Variants in ADAMTSL1 observed in about 807,000 individuals in gnomAD.
ADAMTSL1 encodes the protein ADAMTS like 1, also known as ADAMTS-like protein 1.
Under a neutral mutation model 201.8 loss-of-function variants are expected in ADAMTSL1, and 126 were observed. The ratio of observed to expected loss-of-function variants is 0.62; its 90% confidence interval spans 0.54 to 0.72. ADAMTSL1 has a LOEUF of 0.72. Ranked by LOEUF, ADAMTSL1 falls within the 30% of genes least tolerant of loss-of-function variation. The pLI, the probability that ADAMTSL1 is intolerant of heterozygous loss-of-function variation, is 0.00. For synonymous variants in ADAMTSL1, 1,121 were observed against 903.4 expected (o/e 1.24, Z -4.32); for missense variants, 2,679 against 2,277.8 (o/e 1.18, Z -3.59).
At chr9:18,177,988 G>C (rs1167196566) in intron 2 of ADAMTSL1, among the ~76,000 whole-genome samples, 2 of 152,198 alleles carry the variant, frequency 1.3e-5, no homozygotes, top group Non-Finnish European at 2.9e-5. Context: ...GGTGATGAAA[G>C]TGTTTTAGAA....
intron 23 of ADAMTSL1, among the ~76,000 whole-genome samples, chr9:18,853,216 A>G (rs1294267797): frequency 1.3e-5 from 2 of 152,192 alleles, no homozygotes; most frequent in Admixed American, 1.3e-4. Flanking sequence ...ACATCTCTCC[A>G]TGTGTGACTG....
At chr9:18,667,794 T>C (rs1829546359) in intron 9 of ADAMTSL1, among the ~76,000 whole-genome samples, 1 of 152,206 alleles carries the variant, frequency 6.6e-6, no homozygotes, top group Non-Finnish European at 1.5e-5. Flanking sequence ...TAGAATTCTG[T>C]ATGGGTCTAG....
At chr9:18,871,709 G>C (rs775713990) in intron 23 of ADAMTSL1, among the ~76,000 whole-genome samples, 1 of 152,152 alleles carries the variant, frequency 6.6e-6, no homozygotes, top group Non-Finnish European at 1.5e-5. Flanking sequence ...GGTCTCACTC[G>C]TGTTCCAAAC....
chr9:18,126,956 C>A (rs182465441), intron 1 of ADAMTSL1, among the ~76,000 whole-genome samples: 1 of 152,096 alleles, frequency 6.6e-6, no homozygotes, highest in Non-Finnish European at 1.5e-5. Flanking sequence ...AACCAGTATG[C>A]CTTCTGCCAG....
At chr9:18,561,954 A>G (rs1181612017) in intron 3 of ADAMTSL1, among the ~76,000 whole-genome samples, 1 of 152,054 alleles carries the variant, frequency 6.6e-6, no homozygotes, top group Non-Finnish European at 1.5e-5. Context: ...CAGCACACTG[A>G]TGGGTCTTGA....
Position 18,843,623 on chromosome 9 carries a change from A to G in ADAMTSL1, c.4249+13646A>G, listed in dbSNP as rs1336880320. Among the ~76,000 whole-genome samples the G allele has an allele frequency of 2.0e-5, 3 of 150,738 alleles. No individual in the cohort carries two copies. The East Asian group carries it at 5.8e-4, about 29-fold the overall frequency. On this transcript the variant is annotated intron_variant, in intron 23 of 28. Coordinates refer to ENST00000380548, the MANE Select transcript of ADAMTSL1 (RefSeq NM_001040272.6). ...GAAGTTCTCCTGGATAATATCCTGC[A>G]GAGTGTTTTCCAACTTGGTTCCATT...
At chr9:18,877,745 G>C (rs1372614671) in intron 23 of ADAMTSL1, among the ~76,000 whole-genome samples, 1 of 152,162 alleles carries the variant, frequency 6.6e-6, no homozygotes, top group Non-Finnish European at 1.5e-5. Flanking sequence ...GGATCATCAG[G>C]TGTGGTAGTA....
At chr9:18,408,343 C>T (rs940842150) in intron 2 of ADAMTSL1, among the ~76,000 whole-genome samples, 2 of 152,090 alleles carry the variant, frequency 1.3e-5, no homozygotes, top group Non-Finnish European at 2.9e-5. Flanking sequence ...TGGTGGTAGG[C>T]ACCTGTAATC....
intron 15 of ADAMTSL1, among the ~76,000 whole-genome samples, chr9:18,729,955 T>C (rs1818117142): frequency 6.6e-6 from 1 of 152,228 alleles, no homozygotes; most frequent in South Asian, 2.1e-4. Flanking sequence ...TGATGAAACA[T>C]TGGAGTTTTA....
At chr9:18,458,582 A>G (rs1482056498) in intron 2 of ADAMTSL1, among the ~76,000 whole-genome samples, 2 of 152,164 alleles carry the variant, frequency 1.3e-5, no homozygotes, top group African/African-American at 4.8e-5. Context: ...ATTATGTCCC[A>G]TGATAGGTTC....
chr9:18,157,290 G>A (rs537083546), intron 1 of ADAMTSL1, among the ~76,000 whole-genome samples: 35 of 152,082 alleles, frequency 2.3e-4, no homozygotes, highest in Non-Finnish European at 4.6e-4. Context: ...TGGGATTTAC[G>A]TTTGATAGTT....
chr9:18,233,046 ACT>A lies in ADAMTSL1; in HGVS notation c.207+69068_207+69069del, dbSNP rs374704381. On this transcript the variant is annotated intron_variant, in intron 2 of 29. Coordinates refer to the ADAMTSL1 transcript ENST00000680146. Reference sequence around the variant, plus strand: ...ATCATCTCTACATCTCATCTAGGAAACTCTGCGAGGTTCCTCAAGCACAGAGC... The same window carrying A: ...ATCATCTCTACATCTCATCTAGGAAACTGCGAGGTTCCTCAAGCACAGAGC... Among the ~76,000 whole-genome samples, 718 of 152,260 alleles carry A rather than the reference ACT, an allele frequency of 4.7e-3. 6 individuals carry two copies. The highest frequency in any genetic ancestry group is 0.016 in the African/African-American group (654 of 41,542).
intron 2 of ADAMTSL1, among the ~76,000 whole-genome samples, chr9:18,341,864 G>A (rs1460269971): frequency 6.6e-6 from 1 of 152,050 alleles, no homozygotes; most frequent in East Asian, 1.9e-4. Context: ...AACCAAGTGT[G>A]CATTAAACCA....
chr9:18,690,088 C>T (rs1435098817), intron 13 of ADAMTSL1, among the ~76,000 whole-genome samples: 1 of 152,062 alleles, frequency 6.6e-6, no homozygotes, highest in African/African-American at 2.4e-5. Flanking sequence ...GGGGTTTATT[C>T]AATAAGAAGC....
chr9:18,792,022 GT>G (rs1468535482), intron 19 of ADAMTSL1, among the ~76,000 whole-genome samples: 1 of 152,082 alleles, frequency 6.6e-6, no homozygotes, highest in East Asian at 1.9e-4. Flanking sequence ...ATGGGCCAGG[GT>G]AGGAGAGGGT....
At chr9:18,859,420 C>T (rs1377963365) in intron 23 of ADAMTSL1, among the ~76,000 whole-genome samples, 1 of 152,164 alleles carries the variant, frequency 6.6e-6, no homozygotes, top group African/African-American at 2.4e-5. Context: ...AGGATAATCC[C>T]CCATCTCAGT....
chr9:18,402,906 G>A (rs1463279396), intron 2 of ADAMTSL1, among the ~76,000 whole-genome samples: 1 of 152,080 alleles, frequency 6.6e-6, no homozygotes, highest in Non-Finnish European at 1.5e-5. Context: ...TTTACTAGAT[G>A]CTAGGTTCAG....
chr9:18,367,334 A>G (rs977909501), intron 2 of ADAMTSL1, among the ~76,000 whole-genome samples: 3 of 152,182 alleles, frequency 2.0e-5, no homozygotes, highest in Non-Finnish European at 4.4e-5. Context: ...TGGAATTAAA[A>G]TATTTCAGAT....
At chr9:18,170,197 A>T (rs771754204) in intron 2 of ADAMTSL1, among the ~76,000 whole-genome samples, 1 of 152,086 alleles carries the variant, frequency 6.6e-6, no homozygotes, top group Non-Finnish European at 1.5e-5. Flanking sequence ...AGTTTCACAC[A>T]TAAATATTTC....
Sources: allele counts gnomAD v4.1 joint callset (sites outside exome capture counted in the v4.1 genomes callset), GRCh38; gene constraint gnomAD v4.1.1; transcripts MANE v1.5; gene names NCBI Gene and HGNC (gene_info 2026-07-23, HGNC 2026-07-21).